Variants in EMC8 observed in about 807,000 individuals in gnomAD.
EMC8 encodes COX4 neighbor.
In EMC8, 11 loss-of-function variants were observed where a neutral mutation model predicts 24.3. The ratio of observed to expected loss-of-function variants is 0.45; its 90% CI spans 0.28 to 0.75. The LOEUF (loss-of-function observed/expected upper bound fraction) is 0.75. Among genes scored for constraint, EMC8 ranks in the 30% least tolerant of loss-of-function variants. EMC8 has a pLI of 0.12. For missense variants in EMC8, 277 were observed against 282.7 expected (o/e 0.98, Z 0.14); for synonymous variants, 145 against 117.7 (o/e 1.23, Z -1.50).
chr16:85,788,659 A>G (rs1032128335), intron 2 of EMC8, among the ~76,000 whole-genome samples: 2 of 152,164 alleles, frequency 1.3e-5, no homozygotes, highest in African/African-American at 4.8e-5. Flanking sequence ...CACCACCCCT[A>G]GTCTGGGAAG....
At chr16:85,797,920 T>G (rs540763473) in intron 1 of EMC8, among the ~76,000 whole-genome samples, 1 of 152,292 alleles carries the variant, frequency 6.6e-6, no homozygotes, top group South Asian at 2.1e-4. Context: ...TCGATGGAAT[T>G]TATAGATGGT....
Position 85,799,054 on chromosome 16 carries a change from T to A in EMC8, c.231+11A>T. 6.6e-7 allele frequency: 1 copy of A among 1,525,282 alleles called. No individual in the cohort carries two copies. The highest frequency in any genetic ancestry group is 8.9e-7 in the Non-Finnish European group (1 of 1,126,782). 94.5% of individuals were successfully genotyped at this position (1,525,282 alleles called of 1,614,324 possible). On this transcript the variant is annotated intron_variant, in intron 1 of 4. Transcript: ENST00000253457. This position sits in a 1 kb window ranked among gnomAD's most constrained non-coding sequence, Gnocchi z 4.2. Reference sequence around the variant, plus strand: ...CTGCCTGCAAGGGGAAGGGGCCCTTTCCGCGCTTACCAGGGTGAGAGCCAC... The same window carrying A: ...CTGCCTGCAAGGGGAAGGGGCCCTTACCGCGCTTACCAGGGTGAGAGCCAC...
intron 1 of EMC8, among the ~76,000 whole-genome samples, chr16:85,793,497 G>A (rs984682317): frequency 6.6e-6 from 1 of 152,174 alleles, no homozygotes; most frequent in African/African-American, 2.4e-5. Flanking sequence ...TCAGGGGGAA[G>A]AACTCAAAGG....
chr16:85,780,321 C>T lies in EMC8; in HGVS notation c.473+58G>A, dbSNP rs1904428798. ...AAACACAGGCGGGGTGAGAGTGGCTCTCACGTGGCCGGGCGCTGAAGGAGC... is the reference window on the plus strand; with the variant it reads ...AAACACAGGCGGGGTGAGAGTGGCTTTCACGTGGCCGGGCGCTGAAGGAGC... On this transcript the variant is annotated intron_variant, in intron 4 of 4. Coordinates refer to ENST00000253457, the MANE Select transcript of EMC8 (RefSeq NM_006067.5). The T allele has an allele frequency of 2.3e-6, 3 of 1,284,338 alleles. No individual in the cohort carries two copies. In the East Asian group the frequency reaches 7.0e-5, roughly 30 times the overall value. 79.6% of individuals were successfully genotyped at this position (1,284,338 alleles called of 1,614,324 possible). A position where few individuals can be genotyped will look rare whatever the true frequency, so the allele number is the denominator to read the frequency against.
At chr16:85,783,385 C>G (rs575671761) in intron 2 of EMC8, among the ~76,000 whole-genome samples, 1 of 152,188 alleles carries the variant, frequency 6.6e-6, no homozygotes, top group African/African-American at 2.4e-5. Context: ...CCACAAACTC[C>G]GGGTCTCAAT....
rs1025496877 is a variant in EMC8 at position 85,779,456 on chromosome 16, T to C, written c.*252A>G. ...CTTGCACAAGCAGAAAGAGCTTTGA[T>C]TTGGAGGATTATAGCAACATACAAC... On this transcript the variant is annotated 3_prime_UTR_variant, in exon 5 of 5. Coordinates refer to ENST00000253457, the MANE Select transcript of EMC8 (RefSeq NM_006067.5). The C allele has an allele frequency of 8.5e-5, 32 of 377,520 alleles. No individual in the cohort carries two copies. Among genetic ancestry groups the C allele is most frequent in the Admixed American group, 5.5e-4 (14 of 25,550 alleles). 23.4% of individuals were successfully genotyped at this position (377,520 alleles called of 1,614,324 possible).
chr16:85,789,048 A>T lies in EMC8; in HGVS notation c.234T>A (p.Ile78=), dbSNP rs1192929113. 1 of 1,611,950 alleles carries T rather than the reference A, an allele frequency of 6.2e-7. No individual in the cohort carries two copies. The highest frequency in any genetic ancestry group is 8.5e-7 in the Non-Finnish European group (1 of 1,178,224). Residue 78 remains isoleucine (I), a splice_region_variant and synonymous_variant, in exon 2 of 5, where the codon ATT becomes ATA. Transcript: ENST00000253457. The stretch of plus-strand genomic sequence containing the variant: ...AGCTATGATCTTTGCACCATGAATC[A>T]ATCTGAAAGAGGAACAAAAATTGGG... The part of the protein sequence containing the change: ...APMLEVALTL[I]DSWCKDHSYV...
At position 85,784,148 on chromosome 16, in the gene EMC8, G is replaced by A. The variant is rs536428705; in HGVS notation, c.309-2868C>T. On this transcript the variant is annotated intron_variant, in intron 2 of 4. Transcript: ENST00000253457. ...CAAGTAGCTGGGACTACAGGCGCCC[G>A]CCACCACGCCCAGCTAATTTTTTGT... Among the ~76,000 whole-genome samples the A allele has an allele frequency of 4.6e-5, 7 of 152,234 alleles. No homozygotes were observed. The South Asian group carries it at 6.2e-4, about 14-fold the overall frequency.
intron 4 of EMC8, 74 bp downstream of exon 4, chr16:85,780,305 C>G: frequency 9.5e-7 from 1 of 1,047,988 alleles, no homozygotes; most frequent in Non-Finnish European, 1.5e-6. Context: ...AAAACACAGG[C>G]GGGGTGAGAG....
chr16:85,781,136 A>G, intron 3 of EMC8, 75 bp downstream of exon 3: 1 of 1,058,300 alleles, frequency 9.4e-7, no homozygotes, highest in Non-Finnish European at 1.5e-6. Flanking sequence ...CGGAAAGGAA[A>G]CCGCCGCAGA....
chr16:85,788,610 G>A (rs549484571), intron 2 of EMC8, among the ~76,000 whole-genome samples: 45 of 152,280 alleles, frequency 3.0e-4, no homozygotes, highest in Admixed American at 7.8e-4. Context: ...TCTATTTACC[G>A]GCAAATAGAG....
intron 2 of EMC8, chr16:85,785,068 T>TC (rs1904690788): frequency 6.6e-6 from 1 of 152,152 alleles, no homozygotes; most frequent in South Asian, 2.1e-4. Flanking sequence ...CACCCCAGCC[T>TC]CCCTTGTAGC....
intron 2 of EMC8, among the ~76,000 whole-genome samples, chr16:85,783,344 G>A (rs980207485): frequency 6.6e-6 from 1 of 152,122 alleles, no homozygotes; most frequent in Non-Finnish European, 1.5e-5. Context: ...CCAGGCTGGA[G>A]CATGGTGGCT....
intron 1 of EMC8, among the ~76,000 whole-genome samples, chr16:85,793,672 G>C (rs113487529): frequency 0.021 from 3,218 of 152,324 alleles, 56 homozygotes; most frequent in Non-Finnish European, 0.033. Context: ...ATTCTAGCCT[G>C]AAATCATGGT....
In EMC8 at chr16:85,779,109, C is replaced by T. The variant is rs559631450; in HGVS notation, c.*599G>A. 1.3e-5 allele frequency: 2 copies of T among 152,380 alleles called. No individual in the cohort carries two copies. The highest frequency in any genetic ancestry group is 4.1e-4 in the South Asian group (2 of 4,830). The allele number at this position is 152,380 out of a possible 1,614,324, so 9.4% of individuals were successfully genotyped here. On this transcript the variant is annotated 3_prime_UTR_variant, in exon 5 of 5. Transcript: ENST00000253457. The stretch of plus-strand genomic sequence containing the variant: ...GGCTTCTGTGGCATCAGTGGTGTCA[C>T]TCCCGCTGGGCAGAGTTGCGGTGGC...
intron 2 of EMC8, among the ~76,000 whole-genome samples, chr16:85,788,670 G>A (rs558208218): frequency 6.6e-6 from 1 of 152,162 alleles, no homozygotes; most frequent in Non-Finnish European, 1.5e-5. Flanking sequence ...GTCTGGGAAG[G>A]GGAAGCAAGG....
intron 2 of EMC8, among the ~76,000 whole-genome samples, chr16:85,784,038 G>A (rs1315651431): frequency 2.0e-5 from 3 of 151,468 alleles, no homozygotes; most frequent in South Asian, 2.1e-4. Context: ...TCACTCTGTC[G>A]CCTAGGCTGG....
intron 2 of EMC8, among the ~76,000 whole-genome samples, chr16:85,788,633 C>T (rs1214413382): frequency 6.6e-6 from 1 of 152,190 alleles, no homozygotes; most frequent in African/African-American, 2.4e-5. Flanking sequence ...ACATTCCTTC[C>T]CAGTGCTCTG....
chr16:85,788,683 G>A (rs555424902), intron 2 of EMC8, among the ~76,000 whole-genome samples: 2 of 152,304 alleles, frequency 1.3e-5, no homozygotes, highest in East Asian at 1.9e-4. Flanking sequence ...AAGCAAGGCA[G>A]AGCTGAGCAG....
Sources: allele counts gnomAD v4.1 joint callset (sites outside exome capture counted in the v4.1 genomes callset), GRCh38; gene constraint gnomAD v4.1.1; non-coding constraint Gnocchi (gnomAD v3.1); transcripts MANE v1.5; gene names NCBI Gene and HGNC (gene_info 2026-07-23, HGNC 2026-07-21).